PSMC6: variants seen among roughly 807,000 people sequenced by gnomAD.
PSMC6 encodes 26S proteasome regulatory subunit 10B.
Under a neutral mutation model 55.9 loss-of-function variants are expected in PSMC6, and 3 were observed. The observed-to-expected ratio is 0.05, with a 90% confidence interval of 0.02 to 0.14. PSMC6 has a LOEUF of 0.14. PSMC6 is among the 10% of genes least tolerant of loss of function. The pLI, the probability that PSMC6 is intolerant of heterozygous loss-of-function variation, is 1.00. For missense variants in PSMC6, 210 were observed against 478.7 expected, an observed-to-expected ratio of 0.44 and a Z score of 5.24; for synonymous variants, 137 against 155.9, an observed-to-expected ratio of 0.88 and a Z score of 0.90.
intron 10 of PSMC6, among the ~76,000 whole-genome samples, chr14:52,720,597 C>G (rs1234389162): frequency 6.6e-6 from 1 of 151,854 alleles, no homozygotes; most frequent in Non-Finnish European, 1.5e-5. Context: ...ATGATGGAAG[C>G]CTTCAGATTT....
At chr14:52,716,551 C>G (rs970124892) in intron 7 of PSMC6, among the ~76,000 whole-genome samples, 1 of 152,030 alleles carries the variant, frequency 6.6e-6, no homozygotes, top group Non-Finnish European at 1.5e-5. Flanking sequence ...GTCGGGAGTT[C>G]GAGACCAGCC....
chr14:52,725,708 TTTCACCATGTTG>T (rs1025544823), intron 13 of PSMC6, among the ~76,000 whole-genome samples: 6 of 152,036 alleles, frequency 3.9e-5, no homozygotes, highest in African/African-American at 1.5e-4. Flanking sequence ...TAGAGACGGG[TTTCACCATGTTG>T]TCCAGGCTGG....
chr14:52,717,417 C>A (rs1233008560), intron 7 of PSMC6, among the ~76,000 whole-genome samples: 1 of 142,832 alleles, frequency 7.0e-6, no homozygotes, highest in African/African-American at 2.6e-5. Flanking sequence ...CTCACTGCAA[C>A]CCCCACCTCC....
chr14:52,712,217 AT>A (rs951865523), intron 6 of PSMC6, among the ~76,000 whole-genome samples: 7 of 152,004 alleles, frequency 4.6e-5, no homozygotes, highest in South Asian at 2.1e-4. Context: ...CAGTACATTA[AT>A]TTTTTTTGGA....
intron 1 of PSMC6, among the ~76,000 whole-genome samples, chr14:52,708,060 C>G (rs2041723335): frequency 6.6e-6 from 1 of 152,186 alleles, no homozygotes; most frequent in Non-Finnish European, 1.5e-5. Flanking sequence ...AAGACTATAA[C>G]TTAAGATGTG....
chr14:52,718,171 G>C, intron 8 of PSMC6, 29 bp downstream of exon 8: 1 of 1,610,954 alleles, frequency 6.2e-7, no homozygotes, highest in African/African-American at 1.3e-5. Context: ...TGTACTTATT[G>C]AAATTTAATT....
intron 12 of PSMC6, chr14:52,721,661 GA>G (rs534465034): frequency 3.3e-5 from 5 of 150,768 alleles, no homozygotes; most frequent in Non-Finnish European, 7.4e-5. Flanking sequence ...TGTTTCAGGG[GA>G]AAAAAAAAGA....
rs182135789 is a variant in PSMC6, at chr14:52,720,350, A to T, written c.778-511A>T. On this transcript the variant is annotated intron_variant, in intron 10 of 13. Coordinates refer to ENST00000445930, the MANE Select transcript of PSMC6 (RefSeq NM_002806.5). ...GCCACAGTACTCCAGCCTGGGTGACAGAGTGAAACTCTGTCTCAAAAAAAA... is the reference window on the plus strand; with the variant it reads ...GCCACAGTACTCCAGCCTGGGTGACTGAGTGAAACTCTGTCTCAAAAAAAA... Among the ~76,000 whole-genome samples the T allele has an allele frequency of 2.4e-5, 3 of 126,524 alleles. No homozygotes were observed. The East Asian group carries it at 7.6e-4, about 32-fold the overall frequency. The allele number at this position is 126,524 out of a possible 152,430, so 83.0% of individuals were successfully genotyped here. A position where few individuals can be genotyped will look rare whatever the true frequency, so the allele number is the denominator to read the frequency against.
intron 12 of PSMC6, chr14:52,723,077 A>T (rs1266257493): frequency 1.3e-5 from 2 of 152,224 alleles, no homozygotes; most frequent in Admixed American, 1.3e-4. Context: ...TGAACAAAGG[A>T]TGTCAATGTA....
In PSMC6 at chr14:52,718,162, G is replaced by A; in HGVS notation, c.591+20G>A. The A allele has an allele frequency of 6.2e-7, 1 of 1,611,706 alleles. No homozygotes were observed. On this transcript the variant is annotated intron_variant, in intron 8 of 13. Coordinates refer to ENST00000445930, the MANE Select transcript of PSMC6 (RefSeq NM_002806.5). The stretch of plus-strand genomic sequence containing the variant: ...TTAAAGGTAAAGGGAAGATTATTTT[G>A]TACTTATTGAAATTTAATTTTACTT...
chr14:52,707,600 G>C (rs2139832710), intron 1 of PSMC6: 1 of 353,708 alleles, frequency 2.8e-6, no homozygotes, highest in East Asian at 6.7e-5. Context: ...TAGGGTGCAA[G>C]AAGGGCAGTC....
At chr14:52,719,501 TGCACATAAAGCCTTC>T (rs528435506) in intron 10 of PSMC6, among the ~76,000 whole-genome samples, 76 of 152,338 alleles carry the variant, frequency 5.0e-4, no homozygotes, top group African/African-American at 1.7e-3. Context: ...AATGAAAGAA[TGCACATAAAGCCTTC>T]CTCCAGTTTT....
intron 6 of PSMC6, among the ~76,000 whole-genome samples, chr14:52,712,912 C>T (rs991071941): frequency 6.6e-6 from 1 of 152,114 alleles, no homozygotes; most frequent in African/African-American, 2.4e-5. Flanking sequence ...GCCACCGCAC[C>T]TAGCCCAACA....
Position 52,723,958 on chromosome 14 carries a change from T to C in PSMC6, c.980-7T>C. ...TAAAACTAATTTCCAGTATTTTTTC[T>C]AAACAGATTATGAAGCAATTGTGAA... is the stretch of plus-strand genomic sequence containing the variant. On this transcript the variant is annotated splice_region_variant and splice_polypyrimidine_tract_variant and intron_variant, in intron 12 of 13. Coordinates refer to ENST00000445930, the MANE Select transcript of PSMC6 (RefSeq NM_002806.5). 6 of 1,612,362 alleles carry C rather than the reference T, an allele frequency of 3.7e-6. No homozygotes were observed. The highest frequency in any genetic ancestry group is 2.2e-5 in the East Asian group (1 of 44,848).
chr14:52,717,473 C>A (rs1202603427), intron 7 of PSMC6, among the ~76,000 whole-genome samples: 1 of 151,102 alleles, frequency 6.6e-6, no homozygotes, highest in Non-Finnish European at 1.5e-5. Context: ...GTAGGTGGGA[C>A]TACAGGCATG....
At chr14:52,708,948 A>G in intron 4 of PSMC6, 132 bp downstream of exon 4, 4 of 1,320,412 alleles carry the variant, frequency 3.0e-6, no homozygotes, top group Non-Finnish European at 4.1e-6. Context: ...GTTCAGACAT[A>G]GCTAGTTATT....
Position 52,707,271 on chromosome 14 carries a change from G to A in PSMC6, c.52G>A (p.Glu18Lys). 1 of 1,614,118 alleles carries A rather than the reference G, an allele frequency of 6.2e-7. No individual in the cohort carries two copies. The highest frequency in any genetic ancestry group is 8.5e-7 in the Non-Finnish European group (1 of 1,180,040). ...ALQDYRKKLLEHKEIDGRLKE... is the reference protein window; with the variant it reads ...ALQDYRKKLLKHKEIDGRLKE... Reference sequence around the variant, plus strand: ...TCAGGACTACCGCAAGAAGTTGCTTGAACACAAGGAGATCGACGGCCGTCT... The same window carrying A: ...TCAGGACTACCGCAAGAAGTTGCTTAAACACAAGGAGATCGACGGCCGTCT... The change falls in exon 1 of 14, where the codon GAA becomes AAA. Residue 18 changes from glutamate (E) to lysine (K), a missense_variant. By Grantham distance (56) the Glu-to-Lys change is moderately conservative. Coordinates refer to ENST00000445930, the MANE Select transcript of PSMC6 (RefSeq NM_002806.5).
chr14:52,726,477 G>T (rs1038553270), intron 13 of PSMC6, among the ~76,000 whole-genome samples: 2 of 152,090 alleles, frequency 1.3e-5, no homozygotes, highest in African/African-American at 4.8e-5. Context: ...ACTTACTCAA[G>T]ATTTTTTTTC....
chr14:52,711,795 A>G (rs1009754658), intron 6 of PSMC6, among the ~76,000 whole-genome samples: 3 of 152,156 alleles, frequency 2.0e-5, no homozygotes, highest in Non-Finnish European at 4.4e-5. Context: ...AATTGATGTA[A>G]TCTGATATCC....
Sources: allele counts gnomAD v4.1 joint callset (sites outside exome capture counted in the v4.1 genomes callset), GRCh38; gene constraint gnomAD v4.1.1; transcripts MANE v1.5; gene names NCBI Gene and HGNC (gene_info 2026-07-23, HGNC 2026-07-21).